PPP1R12B: variants seen among roughly 807,000 people sequenced by gnomAD.
The protein encoded by PPP1R12B is myosin phosphatase target subunit 2.
PPP1R12B carries 76 observed loss-of-function variants against 126.1 expected under a neutral mutation model. That is an observed-to-expected ratio of 0.60 (90% confidence interval 0.50 to 0.73). The LOEUF (loss-of-function observed/expected upper bound fraction) is 0.73. Among genes scored for constraint, PPP1R12B ranks in the 30% least tolerant of loss-of-function variants. The pLI is 0.00. For missense variants in PPP1R12B, 1,052 were observed against 1,205.1 expected (o/e 0.87, Z 1.88); for synonymous variants, 356 against 434.7 (o/e 0.82, Z 2.25).
At chr1:202,518,573 CT>C (rs1238261022) in intron 18 of PPP1R12B, among the ~76,000 whole-genome samples, 1 of 152,222 alleles carries the variant, frequency 6.6e-6, no homozygotes, top group Non-Finnish European at 1.5e-5. Context: ...TATATGTCAT[CT>C]GATTACAACC....
intron 13 of PPP1R12B, among the ~76,000 whole-genome samples, chr1:202,476,272 GTAAT>G (rs1284302056): frequency 2.2e-4 from 33 of 151,000 alleles, no homozygotes; most frequent in Admixed American, 1.8e-3. Flanking sequence ...TAGATATTCT[GTAAT>G]TAATGACCAC....
At chr1:202,431,158 C>T (rs1046526386) in intron 7 of PPP1R12B, among the ~76,000 whole-genome samples, 1 of 152,180 alleles carries the variant, frequency 6.6e-6, no homozygotes, top group Non-Finnish European at 1.5e-5. Flanking sequence ...ATACCAGTGC[C>T]TAGCATGATT....
intron 13 of PPP1R12B, among the ~76,000 whole-genome samples, chr1:202,452,233 A>G (rs963797312): frequency 6.6e-5 from 10 of 152,160 alleles, no homozygotes; most frequent in African/African-American, 2.2e-4. Flanking sequence ...AGCCGAGATC[A>G]CGCCACTGCA....
chr1:202,450,480 T>C (rs1263365579), intron 13 of PPP1R12B, among the ~76,000 whole-genome samples: 1 of 152,238 alleles, frequency 6.6e-6, no homozygotes, highest in Non-Finnish European at 1.5e-5. Flanking sequence ...TCAAATGTAC[T>C]TAAAGACTAA....
intron 1 of PPP1R12B, among the ~76,000 whole-genome samples, chr1:202,388,328 C>T (rs763471154): frequency 2.0e-5 from 3 of 152,032 alleles, no homozygotes; most frequent in South Asian, 2.1e-4. Flanking sequence ...GGACTGCAGG[C>T]GCACGCCACC....
In PPP1R12B at chr1:202,591,190, C is replaced by G. The variant is rs1263703241; in HGVS notation, c.*10630C>G. On this transcript the variant is annotated 3_prime_UTR_variant, in exon 24 of 24. Transcript: ENST00000608999. Reference sequence around the variant, plus strand: ...CTTTCAGTTCCCAGCACAAAGGTCCCTGGGACTTCTGTGTGCAACTTCTGT... The same window carrying G: ...CTTTCAGTTCCCAGCACAAAGGTCCGTGGGACTTCTGTGTGCAACTTCTGT... 2 of 152,420 alleles carry G rather than the reference C, an allele frequency of 1.3e-5. No individual in the cohort carries two copies. Among genetic ancestry groups the G allele is most frequent in the African/African-American group, 4.8e-5 (2 of 41,476 alleles). 9.4% of individuals were successfully genotyped at this position (152,420 alleles called of 1,614,324 possible).
intron 18 of PPP1R12B, among the ~76,000 whole-genome samples, chr1:202,511,415 C>T (rs1233806685): frequency 6.6e-6 from 1 of 151,944 alleles, no homozygotes; most frequent in Admixed American, 6.6e-5. Flanking sequence ...GATGGGGTTT[C>T]ACCGTCTTAG....
intron 7 of PPP1R12B, among the ~76,000 whole-genome samples, 170 bp downstream of exon 7, chr1:202,430,980 A>G (rs1326628877): frequency 6.6e-6 from 1 of 152,228 alleles, no homozygotes; most frequent in Non-Finnish European, 1.5e-5. Context: ...TGGCATTGAT[A>G]TGTGAGGGAG....
intron 13 of PPP1R12B, among the ~76,000 whole-genome samples, chr1:202,485,380 T>C (rs145324916): frequency 1.4e-4 from 18 of 131,622 alleles, no homozygotes; most frequent in African/African-American, 4.4e-4. Context: ...AGTTTCAAGA[T>C]GGTGCTGAGT....
At chr1:202,545,334 C>A (rs1292343159) in intron 18 of PPP1R12B, among the ~76,000 whole-genome samples, 1 of 152,180 alleles carries the variant, frequency 6.6e-6, no homozygotes, top group Non-Finnish European at 1.5e-5. Flanking sequence ...TACATGAATT[C>A]TTAGTAGAGA....
Position 202,489,485 on chromosome 1 carries a change from G to A in PPP1R12B, c.1941+862G>A, listed in dbSNP as rs1159622062. 3.9e-5 allele frequency among the ~76,000 whole-genome samples: 6 copies of A among 152,292 alleles called. No homozygotes were observed. The East Asian group carries it at 1.2e-3, about 29-fold the overall frequency. On this transcript the variant is annotated intron_variant, in intron 14 of 23. Transcript: ENST00000608999. ...CAAATGTCTATTAACTAATGAATGG[G>A]TAAACCAAATGTGATAAATCCATGC...
chr1:202,431,355 A>T, intron 7 of PPP1R12B, 125 bp from the exon 8 acceptor site: 1 of 750,884 alleles, frequency 1.3e-6, no homozygotes, highest in Admixed American at 3.6e-5. Context: ...AAGAACACAC[A>T]GATGTAAAGA....
intron 18 of PPP1R12B, among the ~76,000 whole-genome samples, chr1:202,532,706 G>A (rs1684080563): frequency 1.3e-5 from 2 of 151,620 alleles, no homozygotes; most frequent in African/African-American, 2.4e-5. Context: ...TTTCAAAGTT[G>A]TCAGGAATTA....
chr1:202,424,670 C>T (rs1669265755), intron 3 of PPP1R12B, among the ~76,000 whole-genome samples: 1 of 152,106 alleles, frequency 6.6e-6, no homozygotes, highest in African/African-American at 2.4e-5. Flanking sequence ...ACAAAGACTG[C>T]TAATGAGTGT....
intron 1 of PPP1R12B, among the ~76,000 whole-genome samples, chr1:202,408,198 G>A (rs926058651): frequency 5.9e-5 from 9 of 152,088 alleles, no homozygotes; most frequent in African/African-American, 9.7e-5. Context: ...GGGGCAAGGG[G>A]ACTTTGAGCT....
chr1:202,528,232 T>C (rs893666906), intron 18 of PPP1R12B, among the ~76,000 whole-genome samples: 1 of 152,232 alleles, frequency 6.6e-6, no homozygotes, highest in East Asian at 1.9e-4. Context: ...CACACTGTTA[T>C]CACCACGCAA....
intron 1 of PPP1R12B, among the ~76,000 whole-genome samples, chr1:202,370,544 T>A (rs1217480833): frequency 1.9e-5 from 1 of 53,410 alleles, no homozygotes; most frequent in Non-Finnish European, 5.5e-5. Flanking sequence ...GAGTATATAA[T>A]TTTTTTTTTT....
intron 18 of PPP1R12B, among the ~76,000 whole-genome samples, chr1:202,534,650 C>G (rs142036753): frequency 1.4e-5 from 2 of 147,728 alleles, no homozygotes; most frequent in African/African-American, 5.0e-5. Context: ...CTTATTTGCT[C>G]AATCCCTTGT....
At chr1:202,555,325 GAAAAAAA>G (rs56752885) in intron 18 of PPP1R12B, among the ~76,000 whole-genome samples, 6 of 25,354 alleles carry the variant, frequency 2.4e-4, no homozygotes, top group African/African-American at 3.2e-4. Context: ...CTGTTTTAAT[GAAAAAAA>G]AAAAAAAAAA....
Sources: allele counts gnomAD v4.1 joint callset (sites outside exome capture counted in the v4.1 genomes callset), GRCh38; gene constraint gnomAD v4.1.1; transcripts MANE v1.5; gene names NCBI Gene and HGNC (gene_info 2026-07-23, HGNC 2026-07-21).